The following IP6K1 variants were observed in gnomAD, a reference collection of about 807,000 sequenced individuals.
IP6K1 encodes inositol hexakisphosphate kinase 1.
Under a neutral mutation model 38.3 loss-of-function variants are expected in IP6K1, and 13 were observed. The ratio of observed to expected loss-of-function variants is 0.34; its 90% confidence interval spans 0.22 to 0.54. The LOEUF (loss-of-function observed/expected upper bound fraction) is 0.54. IP6K1 is among the 20% of genes least tolerant of loss of function. IP6K1 has a pLI of 0.92. For synonymous variants in IP6K1, 212 were observed against 229.9 expected (o/e 0.92, Z 0.70); for missense variants, 397 against 599.8 (o/e 0.66, Z 3.53).
intron 1 of IP6K1, among the ~76,000 whole-genome samples, chr3:49,765,478 T>TAAA (rs34207764): frequency 1.1e-4 from 12 of 108,446 alleles, no homozygotes; most frequent in African/African-American, 3.7e-4. Flanking sequence ...TGTTTCTACT[T>TAAA]AAAAAAAAAA....
intron 1 of IP6K1, among the ~76,000 whole-genome samples, chr3:49,758,816 C>T (rs1007712830): frequency 6.6e-6 from 1 of 151,940 alleles, no homozygotes; most frequent in African/African-American, 2.4e-5. Context: ...ACAAATATAG[C>T]AGGTGTGGTG....
intron 3 of IP6K1, among the ~76,000 whole-genome samples, chr3:49,737,215 T>C (rs1437787239): frequency 1.3e-5 from 2 of 152,050 alleles, no homozygotes; most frequent in African/African-American, 4.8e-5. Flanking sequence ...TCAGCCTGGT[T>C]TAACTTTTTG....
intron 1 of IP6K1, among the ~76,000 whole-genome samples, chr3:49,759,420 G>A (rs1355193665): frequency 6.6e-6 from 1 of 152,126 alleles, no homozygotes. Context: ...CATATGGCCA[G>A]GGACCAGCTC....
intron 1 of IP6K1, among the ~76,000 whole-genome samples, chr3:49,750,878 T>A (rs1012349252): frequency 6.6e-6 from 1 of 152,114 alleles, no homozygotes; most frequent in Non-Finnish European, 1.5e-5. Context: ...TTTGAAATAG[T>A]CTCCTAAGAG....
intron 1 of IP6K1, among the ~76,000 whole-genome samples, chr3:49,772,763 CT>C (rs1307764918): frequency 1.1e-3 from 158 of 138,614 alleles, no homozygotes; most frequent in Middle Eastern, 3.9e-3. Context: ...GTTAATAATT[CT>C]TTTTTTTTTT....
chr3:49,767,697 A>G (rs2080923674), intron 1 of IP6K1, among the ~76,000 whole-genome samples: 1 of 152,074 alleles, frequency 6.6e-6, no homozygotes, highest in Non-Finnish European at 1.5e-5. Context: ...CTTAAGCCCA[A>G]GAGTTTGAGA....
intron 1 of IP6K1, among the ~76,000 whole-genome samples, chr3:49,783,167 C>T (rs1359600493): frequency 1.3e-5 from 2 of 151,488 alleles, no homozygotes; most frequent in African/African-American, 4.9e-5. Context: ...GTAATCCTAG[C>T]ATTTTGGGAG....
In IP6K1 at chr3:49,772,024, G is replaced by T. The variant is rs191168799; in HGVS notation, c.-129+14330C>A. ...AGCCCAAGAGTTTGAGACCAACCTG[G>T]GCAACATGGCAAGACCTCTACAGAA... is the stretch of plus-strand genomic sequence containing the variant. On this transcript the variant is annotated intron_variant, in intron 1 of 5. Transcript: ENST00000321599. Among the ~76,000 whole-genome samples the T allele has an allele frequency of 5.2e-3, 787 of 151,936 alleles. 27 individuals carry two copies. Among genetic ancestry groups the T allele is most frequent in the Admixed American group, 0.046 (706 of 15,222 alleles).
chr3:49,735,021 C>T (rs78849611), intron 3 of IP6K1, among the ~76,000 whole-genome samples: 1 of 152,250 alleles, frequency 6.6e-6, no homozygotes, highest in Non-Finnish European at 1.5e-5. Context: ...CACCAGATGA[C>T]TCATGAAGCA....
chr3:49,752,609 AC>A (rs2080788241), intron 1 of IP6K1, among the ~76,000 whole-genome samples: 1 of 151,414 alleles, frequency 6.6e-6, no homozygotes, highest in African/African-American at 2.4e-5. Flanking sequence ...CTCAATCTCC[AC>A]TTCCCAGGTT....
At chr3:49,781,604 G>T (rs1185204133) in intron 1 of IP6K1, among the ~76,000 whole-genome samples, 1 of 152,176 alleles carries the variant, frequency 6.6e-6, no homozygotes, top group Non-Finnish European at 1.5e-5. Flanking sequence ...CAGAGAAAGA[G>T]TATGTATGGA....
chr3:49,727,220 C>T lies in IP6K1; in HGVS notation c.1228G>A (p.Asp410Asn). ...FAHSTFKGFRDDPTVHDGPDR... is the reference protein window; with the variant it reads ...FAHSTFKGFRNDPTVHDGPDR... The stretch of plus-strand genomic sequence containing the variant: ...GGCCCATCATGCACGGTGGGGTCAT[C>T]CCGGAAGCCCTTGAATGTGCTGTGT... The change falls in exon 6 of 6, where the codon GAT becomes AAT. Residue 410 changes from aspartate (D) to asparagine (N), a missense_variant. Physicochemically the swap from Asp to Asn is conservative, Grantham distance 23. Transcript: ENST00000321599. This position sits in a 1 kb window ranked among gnomAD's most constrained non-coding sequence, Gnocchi z 5.9. 6.2e-7 allele frequency: 1 copy of T among 1,614,146 alleles called. No individual in the cohort carries two copies. The highest frequency in any genetic ancestry group is 8.5e-7 in the Non-Finnish European group (1 of 1,180,046).
chr3:49,728,430 T>C, intron 4 of IP6K1, 152 bp from the exon 5 acceptor site: 1 of 649,116 alleles, frequency 1.5e-6, no homozygotes, highest in Admixed American at 3.0e-5. Flanking sequence ...CACTGGCTTA[T>C]TACTTAACCA....
At chr3:49,768,047 A>T (rs1479801243) in intron 1 of IP6K1, among the ~76,000 whole-genome samples, 9 of 152,146 alleles carry the variant, frequency 5.9e-5, no homozygotes, top group Admixed American at 5.9e-4. Context: ...AAAAAAAAAA[A>T]AAATAGAAAA....
chr3:49,729,140 C>G (rs954234265), intron 4 of IP6K1, among the ~76,000 whole-genome samples: 2 of 152,210 alleles, frequency 1.3e-5, no homozygotes, highest in Admixed American at 1.3e-4. Flanking sequence ...AACCTCTAGT[C>G]TACTTTCTGT....
chr3:49,762,960 C>T (rs889165639), intron 1 of IP6K1, among the ~76,000 whole-genome samples: 1 of 151,956 alleles, frequency 6.6e-6, no homozygotes, highest in African/African-American at 2.4e-5. Flanking sequence ...TTAGTAGAGA[C>T]GGGGTTTCAC....
intron 1 of IP6K1, among the ~76,000 whole-genome samples, chr3:49,769,514 T>C (rs1050799920): frequency 2.0e-5 from 3 of 152,170 alleles, no homozygotes; most frequent in Non-Finnish European, 2.9e-5. Context: ...TAACAGTCAA[T>C]TGTTTTTCGA....
At chr3:49,784,626 G>C (rs1357696994) in intron 1 of IP6K1, among the ~76,000 whole-genome samples, 1 of 148,282 alleles carries the variant, frequency 6.7e-6, no homozygotes, top group Non-Finnish European at 1.5e-5. Context: ...GCCTGGGTGA[G>C]AGAACGAGAC....
At chr3:49,762,266 G>A (rs553879600) in intron 1 of IP6K1, among the ~76,000 whole-genome samples, 14 of 152,230 alleles carry the variant, frequency 9.2e-5, no homozygotes, top group East Asian at 3.9e-4. Flanking sequence ...AGAACAGGCC[G>A]GGTGTGGTGG....
Sources: gnomAD v4.1 joint callset for allele counts (sites outside exome capture counted in the v4.1 genomes callset) on GRCh38, gnomAD v4.1.1 for gene constraint, Gnocchi (gnomAD v3.1) non-coding constraint, MANE v1.5 for transcripts, NCBI Gene and HGNC (gene_info 2026-07-23, HGNC 2026-07-21) for gene names.